CRAMP1: variants seen among roughly 807,000 people sequenced by gnomAD.
CRAMP1 encodes protein cramped-like.
In CRAMP1, 50 loss-of-function variants were observed where a neutral mutation model predicts 115.4. The observed-to-expected ratio is 0.43, with a 90% CI of 0.35 to 0.55. CRAMP1 has a LOEUF of 0.55. CRAMP1 is among the 20% of genes least tolerant of loss of function. CRAMP1 has a pLI of 0.01. For synonymous variants in CRAMP1, 866 were observed against 745.4 expected, an observed-to-expected ratio of 1.16 and a Z score of -2.64; for missense variants, 1,679 against 1,721.7, an observed-to-expected ratio of 0.98 and a Z score of 0.44.
At chr16:1,660,984 G>T (rs368153526) in intron 11 of CRAMP1, among the ~76,000 whole-genome samples, 3 of 152,140 alleles carry the variant, frequency 2.0e-5, no homozygotes, top group Non-Finnish European at 2.9e-5. Context: ...ACTCCAGCTC[G>T]GGCAACGGAG....
At position 1,673,912 on chromosome 16, in the gene CRAMP1, A is replaced by G. The variant is rs1177959450; in HGVS notation, c.3677A>G (p.Asn1226Ser). The change falls in exon 21 of 21, where the codon AAC (asparagine) becomes AGC (serine). Residue 1226 changes from asparagine (N) to serine (S), a missense_variant. Physicochemically the swap from Asn to Ser is conservative, Grantham distance 46. Coordinates refer to ENST00000397412, the MANE Select transcript of CRAMP1 (RefSeq NM_020825.4). ...VVDSQLVCMMNENSIDYISRF... is the reference protein window; with the variant it reads ...VVDSQLVCMMSENSIDYISRF... ...GATTCCCAGCTGGTGTGCATGATGA[A>G]CGAAAACAGCATTGATTACATTTCT... 6.2e-7 allele frequency: 1 copy of G among 1,613,604 alleles called. No homozygotes were observed. Among genetic ancestry groups the G allele is most frequent in the Non-Finnish European group, 8.5e-7 (1 of 1,179,832 alleles).
chr16:1,662,044 C>G (rs2142203533), intron 11 of CRAMP1, among the ~76,000 whole-genome samples: 1 of 152,344 alleles, frequency 6.6e-6, no homozygotes, highest in Middle Eastern at 3.4e-3. Flanking sequence ...CACTCATTTG[C>G]TCACCTGTTG....
rs1232572685 is a variant in CRAMP1 at position 1,657,011 on chromosome 16, A to G, written c.2235+19A>G. 6.7e-7 allele frequency: 1 copy of G among 1,487,770 alleles called. No homozygotes were observed. Among genetic ancestry groups the G allele is most frequent in the Non-Finnish European group, 8.9e-7 (1 of 1,119,640 alleles). 92.2% of individuals were successfully genotyped at this position (1,487,770 alleles called of 1,614,324 possible). On this transcript the variant is annotated intron_variant, in intron 10 of 20. Transcript: ENST00000397412. ...CAAGCTGGTGAGTGGGTTGGAGCCCAGCCCCTCTGGCGGCCCAAGGGAAGC... is the reference window on the plus strand; with the variant it reads ...CAAGCTGGTGAGTGGGTTGGAGCCCGGCCCCTCTGGCGGCCCAAGGGAAGC...
chr16:1,620,426 G>A (rs1395506492), intron 2 of CRAMP1, among the ~76,000 whole-genome samples: 2 of 152,160 alleles, frequency 1.3e-5, no homozygotes, highest in African/African-American at 4.8e-5. Context: ...GTGAAGCATG[G>A]GGGAGACGGG....
rs2036811493 is a variant in CRAMP1, at chr16:1,659,919, G to T, written c.2269G>T (p.Val757Leu). The T allele has an allele frequency of 1.9e-6, 3 of 1,613,108 alleles. No individual in the cohort carries two copies. The highest frequency in any genetic ancestry group is 2.5e-6 in the Non-Finnish European group (3 of 1,179,840). ...AGCAAACACCATCTCTACAGCCTCA[G>T]TAAGGCCCGCCCAGGAGGAGCAGTC... ...LEANTISTAS[V>L]RPAQEEQSMT... is the part of the protein sequence containing the mutation. Residue 757 changes from valine to leucine, a missense_variant, in exon 11 of 21, where the codon GTA becomes TTA. By Grantham distance (32) the Val-to-Leu change is conservative. Around this residue, in one of 8 missense-constraint regions of CRAMP1, gnomAD observed 709 missense variants for 741.9 expected, o/e 0.96. Transcript: ENST00000397412.
intron 8 of CRAMP1, among the ~76,000 whole-genome samples, chr16:1,654,320 T>C (rs1310792895): frequency 1.3e-5 from 2 of 151,368 alleles, no homozygotes; most frequent in Middle Eastern, 3.4e-3. Context: ...TAAGTGATTC[T>C]CCTGCCTCAG....
chr16:1,651,890 T>G (rs1232339574), intron 6 of CRAMP1, among the ~76,000 whole-genome samples: 3 of 147,658 alleles, frequency 2.0e-5, no homozygotes, highest in Admixed American at 6.7e-5. Flanking sequence ...AGAGATGGAT[T>G]GAGGTCACAT....
Position 1,666,747 on chromosome 16 carries a change from G to A in CRAMP1, c.3036+147G>A, listed in dbSNP as rs1352405489. ...GGGTGCCATGGCATAAGCAAACTCT[G>A]TGTAGTACAGAGCAGGAGAGGCCTC... On this transcript the variant is annotated intron_variant, in intron 16 of 20. Transcript: ENST00000397412. This position sits in a 1 kb window ranked among gnomAD's most constrained non-coding sequence, Gnocchi z 5.0. 2 of 730,634 alleles carry A rather than the reference G, an allele frequency of 2.7e-6. No individual in the cohort carries two copies. The highest frequency in any genetic ancestry group is 1.8e-5 in the South Asian group (1 of 55,886). 45.3% of individuals were successfully genotyped at this position (730,634 alleles called of 1,614,324 possible).
At chr16:1,622,856 G>A (rs1264970163) in intron 2 of CRAMP1, among the ~76,000 whole-genome samples, 1 of 151,582 alleles carries the variant, frequency 6.6e-6, no homozygotes, top group Non-Finnish European at 1.5e-5. Context: ...CTGCCTCCCG[G>A]TTTCAAGTGA....
At chr16:1,620,566 A>G (rs2036457813) in intron 2 of CRAMP1, 2 of 449,084 alleles carry the variant, frequency 4.5e-6, no homozygotes, top group South Asian at 3.1e-5. Context: ...AGAGTGCTCC[A>G]GGACAGTGAA....
chr16:1,636,381 A>G (rs1418451771), intron 4 of CRAMP1, among the ~76,000 whole-genome samples: 2 of 151,922 alleles, frequency 1.3e-5, no homozygotes, highest in African/African-American at 2.4e-5. Context: ...CAAAAAAAAA[A>G]AAAGAAAGAA....
chr16:1,664,948 C>T, intron 13 of CRAMP1, 109 bp from the exon 14 acceptor site: 1 of 761,552 alleles, frequency 1.3e-6, no homozygotes, highest in South Asian at 1.5e-5. Context: ...GAAAAAGCCC[C>T]ACCTGGCTAT....
At chr16:1,635,240 A>G (rs1307430510) in intron 4 of CRAMP1, among the ~76,000 whole-genome samples, 1 of 147,126 alleles carries the variant, frequency 6.8e-6, no homozygotes, top group Non-Finnish European at 1.5e-5. Flanking sequence ...GCACTTTATC[A>G]TGGGTTTGTC....
In CRAMP1 at chr16:1,670,680, A is replaced by C. The variant is rs2036914663; in HGVS notation, c.3516A>C (p.Pro1172=). The C allele has an allele frequency of 1.2e-6, 2 of 1,613,988 alleles. No individual in the cohort carries two copies. The highest frequency in any genetic ancestry group is 1.1e-5 in the South Asian group (1 of 91,086). ...TCTCCGCAGCAAGCTTCATCTCCCC[A>C]GAGAAGAGCCGGAAGATGTTGCCGA... is the stretch of plus-strand genomic sequence containing the variant. ...LSSLFASFIS[P]EKSRKMLPTP... Residue 1172 remains proline (P), a synonymous_variant, in exon 20 of 21, where the codon CCA becomes CCC. Transcript: ENST00000397412.
chr16:1,651,269 A>AGG (rs2036720162), intron 6 of CRAMP1, among the ~76,000 whole-genome samples: 1 of 150,690 alleles, frequency 6.6e-6, no homozygotes, highest in African/African-American at 2.5e-5. Flanking sequence ...GTGGACTGAG[A>AGG]TCACGGAGAG....
chr16:1,659,691 A>G (rs990273366), intron 10 of CRAMP1, among the ~76,000 whole-genome samples, 195 bp from the exon 11 acceptor site: 1 of 152,212 alleles, frequency 6.6e-6, no homozygotes, highest in African/African-American at 2.4e-5. Context: ...CTGGCCGACC[A>G]GTAACTTTTA....
intron 1 of CRAMP1, among the ~76,000 whole-genome samples, chr16:1,613,266 C>CAA (rs75854896): frequency 0.21 from 31,322 of 151,868 alleles, 3,840 homozygotes; most frequent in African/African-American, 0.33. Context: ...AGCATGAACT[C>CAA]GAGATTCCCT....
At position 1,614,432 on chromosome 16, in the gene CRAMP1, G is replaced by A. The variant is rs1455501439; in HGVS notation, c.-1-207G>A. On this transcript the variant is annotated intron_variant, in intron 1 of 20. Coordinates refer to ENST00000397412, the MANE Select transcript of CRAMP1 (RefSeq NM_020825.4). The surrounding 1 kb of genome is among the most constrained non-coding windows in gnomAD (Gnocchi z 4.4). The stretch of plus-strand genomic sequence containing the variant: ...GGGGGCGTCCGGGGAGGCCCGGGAG[G>A]GTCCCGGGCTGGTGGGCAGGGCCGG... 6.9e-6 allele frequency among the ~76,000 whole-genome samples: 1 copy of A among 145,428 alleles called. No individual in the cohort carries two copies. The highest frequency in any genetic ancestry group is 2.1e-4 in the South Asian group (1 of 4,764).
In CRAMP1 at chr16:1,626,058, G is replaced by T. The variant is rs1031747370; in HGVS notation, c.432G>T (p.Arg144=). 3 of 1,551,486 alleles carry T rather than the reference G, an allele frequency of 1.9e-6. No homozygotes were observed. Among genetic ancestry groups the T allele is most frequent in the Non-Finnish European group, 2.6e-6 (3 of 1,146,952 alleles). Residue 144 remains arginine, a synonymous_variant, in exon 3 of 21, where the codon CGG becomes CGT. Coordinates refer to ENST00000397412, the MANE Select transcript of CRAMP1 (RefSeq NM_020825.4). ...APAGGSRSSS[R]NLGSSGGEKE... ...CAGGGGGCTCGCGCTCCTCCTCCCG[G>T]AACTTAGGGTCTTCTGGTGGCGAGA...
Sources: gnomAD v4.1 joint callset for allele counts (sites outside exome capture counted in the v4.1 genomes callset) on GRCh38, gnomAD v4.1.1 for gene constraint, gnomAD v4.1.1 regional missense constraint, Gnocchi (gnomAD v3.1) non-coding constraint, MANE v1.5 for transcripts, NCBI Gene and HGNC (gene_info 2026-07-23, HGNC 2026-07-21) for gene names.